Variants in LONRF1 observed in about 807,000 individuals in gnomAD.
The protein encoded by LONRF1 is LON peptidase N-terminal domain and RING finger protein 1.
In LONRF1, 37 loss-of-function variants were observed where a neutral mutation model predicts 85.8. The ratio of observed to expected loss-of-function variants is 0.43; its 90% confidence interval spans 0.33 to 0.57. The LOEUF (loss-of-function observed/expected upper bound fraction) is 0.57, where lower values mean the gene tolerates loss of function less well. Ranked by LOEUF, LONRF1 falls within the 20% of genes least tolerant of loss-of-function variation. The pLI is 0.04. For synonymous variants in LONRF1, 517 were observed against 390.1 expected (o/e 1.33, Z -3.83); for missense variants, 1,036 against 978.0 (o/e 1.06, Z -0.79).
At chr8:12,739,917 C>T (rs1408411652) in intron 3 of LONRF1, among the ~76,000 whole-genome samples, 1 of 152,116 alleles carries the variant, frequency 6.6e-6, no homozygotes, top group Non-Finnish European at 1.5e-5. Flanking sequence ...GAGGCTATAC[C>T]AATGCCAGCT....
intron 11 of LONRF1, among the ~76,000 whole-genome samples, chr8:12,725,368 G>C (rs1798255916): frequency 6.6e-6 from 1 of 152,170 alleles, no homozygotes; most frequent in Non-Finnish European, 1.5e-5. Context: ...AACAGCAACA[G>C]GCGATGGGCT....
intron 4 of LONRF1, 41 bp from the exon 5 acceptor site, chr8:12,737,181 C>T (rs760667939): frequency 1.3e-6 from 2 of 1,597,794 alleles, no homozygotes; most frequent in Non-Finnish European, 1.7e-6. Context: ...TATTTCTTTA[C>T]TATCCTTTAT....
At chr8:12,740,435 G>T (rs1798886358) in intron 3 of LONRF1, among the ~76,000 whole-genome samples, 2 of 152,124 alleles carry the variant, frequency 1.3e-5, no homozygotes, top group South Asian at 4.1e-4. Flanking sequence ...ATAGAACAAA[G>T]TATGGAAAGT....
intron 1 of LONRF1, among the ~76,000 whole-genome samples, chr8:12,745,891 G>GTTGTTGTCCC (rs1265603681): frequency 6.6e-6 from 1 of 152,170 alleles, no homozygotes; most frequent in Non-Finnish European, 1.5e-5. Context: ...AGGGACAGAT[G>GTTGTTGTCCC]TGCTAGTTGT....
chr8:12,735,254 A>T, intron 7 of LONRF1, 32 bp downstream of exon 7: 1 of 1,437,016 alleles, frequency 7.0e-7, no homozygotes, highest in Non-Finnish European at 9.6e-7. Context: ...CAAACTTAAG[A>T]CCAACAAACA....
chr8:12,751,551 C>T (rs1464988211), intron 1 of LONRF1, among the ~76,000 whole-genome samples: 1 of 151,360 alleles, frequency 6.6e-6, no homozygotes, highest in Non-Finnish European at 1.5e-5. Context: ...GCGATCCGCC[C>T]GCCTCGGTCT....
At chr8:12,730,753 A>C (rs989687057) in intron 8 of LONRF1, among the ~76,000 whole-genome samples, 6 of 152,212 alleles carry the variant, frequency 3.9e-5, no homozygotes, top group African/African-American at 1.4e-4. Flanking sequence ...ACAAATCAAT[A>C]TCTATTTCTA....
intron 1 of LONRF1, among the ~76,000 whole-genome samples, chr8:12,745,636 A>ATT (rs1297715368): frequency 1.3e-5 from 2 of 152,356 alleles, no homozygotes; most frequent in Non-Finnish European, 2.9e-5. Flanking sequence ...ATCAGGGAAG[A>ATT]TGCTGGTGCT....
chr8:12,754,672 C>G, intron 1 of LONRF1, 28 bp downstream of exon 1: 1 of 1,320,702 alleles, frequency 7.6e-7, no homozygotes, highest in Non-Finnish European at 9.6e-7. Flanking sequence ...GCGGTCGGCC[C>G]GGCCCCGCCG....
intron 10 of LONRF1, chr8:12,726,101 T>G (rs971753858): frequency 2.4e-6 from 1 of 415,036 alleles, no homozygotes; most frequent in African/African-American, 1.9e-5. Context: ...ATGCCTAACC[T>G]TGCTGACTTA....
intron 1 of LONRF1, among the ~76,000 whole-genome samples, chr8:12,750,183 C>T (rs1799322010): frequency 6.6e-6 from 1 of 152,196 alleles, no homozygotes; most frequent in South Asian, 2.1e-4. Flanking sequence ...CCTCCTATCT[C>T]ACATGAGTTT....
chr8:12,735,040 T>C (rs1158126089), intron 7 of LONRF1, among the ~76,000 whole-genome samples: 1 of 152,044 alleles, frequency 6.6e-6, no homozygotes, highest in Non-Finnish European at 1.5e-5. Flanking sequence ...TACCCACTTT[T>C]GTTTAAAAAA....
chr8:12,753,493 T>A (rs779675582), intron 1 of LONRF1: 11 of 152,134 alleles, frequency 7.2e-5, no homozygotes, highest in Non-Finnish European at 1.5e-4. Context: ...TGATAATTCT[T>A]TGTTGTGGGA....
chr8:12,723,342 A>G (rs1427500408), intron 11 of LONRF1, 88 bp from the exon 12 acceptor site: 2 of 1,274,516 alleles, frequency 1.6e-6, no homozygotes, highest in Non-Finnish European at 2.2e-6. Context: ...CTATTTATTG[A>G]GCACTTGTAC....
intron 11 of LONRF1, among the ~76,000 whole-genome samples, chr8:12,725,005 C>T (rs1798233765): frequency 6.6e-6 from 1 of 152,232 alleles, no homozygotes; most frequent in Non-Finnish European, 1.5e-5. Context: ...TAAAATCTAT[C>T]ACCTTCTGAT....
At chr8:12,750,541 T>C (rs2117346564) in intron 1 of LONRF1, among the ~76,000 whole-genome samples, 1 of 152,374 alleles carries the variant, frequency 6.6e-6, no homozygotes, top group South Asian at 2.1e-4. Flanking sequence ...TATTTTATCA[T>C]ACTGTACCAT....
chr8:12,742,411 A>G (rs996126455), intron 2 of LONRF1, among the ~76,000 whole-genome samples: 2 of 152,182 alleles, frequency 1.3e-5, no homozygotes, highest in African/African-American at 2.4e-5. Context: ...CACATTCCTA[A>G]GTCTTTTTAA....
chr8:12,751,840 T>G (rs914178039), intron 1 of LONRF1, among the ~76,000 whole-genome samples: 1 of 152,118 alleles, frequency 6.6e-6, no homozygotes, highest in Non-Finnish European at 1.5e-5. Context: ...ATCATTTCAG[T>G]AGGCTCAAGC....
chr8:12,738,871 T>G (rs1053419448), intron 3 of LONRF1: 1 of 152,182 alleles, frequency 6.6e-6, no homozygotes, highest in Admixed American at 6.6e-5. Flanking sequence ...TTTATAGGTA[T>G]AGCACATATT....
Sources: gnomAD v4.1 joint callset for allele counts (sites outside exome capture counted in the v4.1 genomes callset) on GRCh38, gnomAD v4.1.1 for gene constraint, MANE v1.5 for transcripts, NCBI Gene and HGNC (gene_info 2026-07-23, HGNC 2026-07-21) for gene names.